Variants in PLCE1 observed in about 807,000 individuals in gnomAD.
PLCE1 encodes the protein phospholipase C epsilon 1, also known as 1-phosphatidylinositol 4,5-bisphosphate phosphodiesterase epsilon-1.
Under a neutral mutation model 242.8 loss-of-function variants are expected in PLCE1, and 119 were observed. The observed-to-expected ratio is 0.49, with a 90% confidence interval of 0.42 to 0.57. PLCE1 has a LOEUF of 0.57. PLCE1 is among the 20% of genes least tolerant of loss of function. PLCE1 has a pLI of 0.00. For synonymous variants in PLCE1, 945 were observed against 1,017.4 expected, an observed-to-expected ratio of 0.93 and a Z score of 1.35; for missense variants, 2,441 against 2,788.8, an observed-to-expected ratio of 0.88 and a Z score of 2.81.
intron 2 of PLCE1, chr10:94,100,700 A>G (rs147610931): frequency 6.6e-6 from 1 of 152,300 alleles, no homozygotes; most frequent in Non-Finnish European, 1.5e-5. Context: ...CCTCCTGCAG[A>G]TAAGAGAGAT....
At chr10:94,085,470 T>C (rs1456855703) in intron 2 of PLCE1, among the ~76,000 whole-genome samples, 1 of 152,050 alleles carries the variant, frequency 6.6e-6, no homozygotes, top group Middle Eastern at 3.2e-3. Flanking sequence ...GTCCATATTT[T>C]GGAATGTGTT....
chr10:94,080,851 T>G (rs1432293427), intron 2 of PLCE1, among the ~76,000 whole-genome samples: 1 of 152,230 alleles, frequency 6.6e-6, no homozygotes, highest in East Asian at 1.9e-4. Flanking sequence ...CAAATAGCCA[T>G]GTACCACTGC....
intron 1 of PLCE1, among the ~76,000 whole-genome samples, chr10:93,997,129 A>G (rs534324695): frequency 7.2e-5 from 11 of 152,320 alleles, no homozygotes; most frequent in African/African-American, 2.4e-4. Context: ...TACTCAGTCA[A>G]TGTGAGAGAT....
chr10:94,239,110 A>C (rs960338861), intron 7 of PLCE1, among the ~76,000 whole-genome samples: 2 of 152,224 alleles, frequency 1.3e-5, no homozygotes, highest in Non-Finnish European at 2.9e-5. Flanking sequence ...ACGGCATACT[A>C]TAAGTGCCAA....
chr10:94,182,803 C>T (rs1016938753), intron 4 of PLCE1, among the ~76,000 whole-genome samples: 1 of 152,188 alleles, frequency 6.6e-6, no homozygotes, highest in Non-Finnish European at 1.5e-5. Context: ...AGTTAACTGT[C>T]AAAGCCATTG....
chr10:94,305,602 T>C (rs887206564), intron 25 of PLCE1, among the ~76,000 whole-genome samples: 5 of 152,220 alleles, frequency 3.3e-5, no homozygotes, highest in Non-Finnish European at 7.3e-5. Context: ...CTTTTTCTCT[T>C]TCCCTAAGAC....
chr10:94,024,986 A>G (rs1190405350), intron 1 of PLCE1, among the ~76,000 whole-genome samples: 1 of 152,122 alleles, frequency 6.6e-6, no homozygotes, highest in East Asian at 1.9e-4. Context: ...ACCCAAGACA[A>G]TGGTGGCTTA....
At chr10:93,997,771 G>A (rs951572951) in intron 1 of PLCE1, among the ~76,000 whole-genome samples, 4 of 150,346 alleles carry the variant, frequency 2.7e-5, no homozygotes, top group South Asian at 2.1e-4. Flanking sequence ...TTCAACCACC[G>A]TAATAGACGT....
chr10:94,089,436 A>G, intron 2 of PLCE1: 2 of 1,375,242 alleles, frequency 1.5e-6, no homozygotes, highest in Non-Finnish European at 2.0e-6. Context: ...AATCCTGGGG[A>G]CTGTTTCTTT....
In PLCE1 at chr10:94,304,512, T is replaced by C; in HGVS notation, c.5489T>C (p.Phe1830Ser). The C allele has an allele frequency of 6.2e-7, 1 of 1,614,150 alleles. No individual in the cohort carries two copies. The highest frequency in any genetic ancestry group is 8.5e-7 in the Non-Finnish European group (1 of 1,179,978). ...DLPLHLNAAM[F>S]EANGGCGYVL... ...CCTTTACATTTAAATGCTGCAATGT[T>C]TGAGGCAAATGGTGGTTGTGGTTAT... The change falls in exon 25 of 33, where the codon TTT (phenylalanine) becomes TCT (serine). Residue 1830 changes from phenylalanine to serine, a missense_variant. Physicochemically the swap from Phe to Ser is radical, Grantham distance 155. Coordinates refer to ENST00000371380, the MANE Select transcript of PLCE1 (RefSeq NM_016341.4).
At chr10:94,094,291 A>G (rs774256846) in intron 2 of PLCE1, among the ~76,000 whole-genome samples, 25 of 149,828 alleles carry the variant, frequency 1.7e-4, no homozygotes, top group Admixed American at 5.9e-4. Flanking sequence ...TACGAGGTAT[A>G]CAAATATGAA....
intron 1 of PLCE1, among the ~76,000 whole-genome samples, chr10:94,025,386 C>T (rs570052230): frequency 1.1e-4 from 16 of 152,092 alleles, no homozygotes; most frequent in Non-Finnish European, 2.4e-4. Context: ...GAGTCTCTGC[C>T]ACCCTACTGA....
In PLCE1 at chr10:94,316,589, T is replaced by C; in HGVS notation, c.6175T>C (p.Tyr2059His). ...EQDIKPVTTD[Y>H]FLMEEKYFIS... ...AGACATCAAACCTGTTACCACAGAC[T>C]ATTTTTTGATGGAAGAAAAATATTT... The change falls in exon 29 of 33, where the codon TAT becomes CAT. Residue 2059 changes from tyrosine (Y) to histidine (H), a missense_variant. Transcript: ENST00000371380. The C allele has an allele frequency of 6.2e-7, 1 of 1,609,322 alleles. No individual in the cohort carries two copies.
intron 3 of PLCE1, among the ~76,000 whole-genome samples, chr10:94,168,780 T>C (rs2047886991): frequency 6.6e-6 from 1 of 152,184 alleles, no homozygotes; most frequent in African/African-American, 2.4e-5. Context: ...CAGAGTGCTA[T>C]AGTTCGAGAT....
At chr10:94,309,878 T>C (rs2053331414) in intron 27 of PLCE1, among the ~76,000 whole-genome samples, 1 of 151,976 alleles carries the variant, frequency 6.6e-6, no homozygotes, top group African/African-American at 2.4e-5. Context: ...AAACGTGTTT[T>C]AATTGAGCAT....
chr10:94,283,363 A>G (rs1008240734), intron 20 of PLCE1: 2 of 165,526 alleles, frequency 1.2e-5, no homozygotes, highest in Admixed American at 1.2e-4. Context: ...TTTCAAAGTG[A>G]GAGTGAGTCA....
intron 4 of PLCE1, among the ~76,000 whole-genome samples, chr10:94,181,368 C>T (rs1296409181): frequency 6.6e-6 from 1 of 151,958 alleles, no homozygotes; most frequent in African/African-American, 2.4e-5. Flanking sequence ...GTCAGGAGAT[C>T]GAGACCATCC....
chr10:94,013,536 T>C (rs753773181), intron 1 of PLCE1, among the ~76,000 whole-genome samples: 1 of 152,234 alleles, frequency 6.6e-6, no homozygotes, highest in Non-Finnish European at 1.5e-5. Context: ...CAAATGAGGC[T>C]GATTCATTTA....
At chr10:94,048,172 C>T (rs1398461301) in intron 2 of PLCE1, among the ~76,000 whole-genome samples, 2 of 152,062 alleles carry the variant, frequency 1.3e-5, no homozygotes. Flanking sequence ...GGTGCATTCT[C>T]CAGTTGATGG....
Sources: allele counts gnomAD v4.1 joint callset (sites outside exome capture counted in the v4.1 genomes callset), GRCh38; gene constraint gnomAD v4.1.1; transcripts MANE v1.5; gene names NCBI Gene and HGNC (gene_info 2026-07-23, HGNC 2026-07-21).